LFNG: variants seen among roughly 807,000 people sequenced by gnomAD.
LFNG encodes beta-1,3-N-acetylglucosaminyltransferase lunatic fringe.
In LFNG, 15 loss-of-function variants were observed where a neutral mutation model predicts 32.7. That is an observed-to-expected ratio of 0.46 (90% CI 0.31 to 0.71). The LOEUF (loss-of-function observed/expected upper bound fraction) is 0.71. Among genes scored for constraint, LFNG ranks in the 30% least tolerant of loss-of-function variants. The pLI, the probability that LFNG is intolerant of heterozygous loss-of-function variation, is 0.06. For synonymous variants in LFNG, 274 were observed against 246.8 expected (o/e 1.11, Z -1.03); for missense variants, 520 against 545.7 (o/e 0.95, Z 0.47).
upstream of LFNG, chr7:2,518,666 G>T (rs185194974): frequency 1.3e-6 from 2 of 1,578,632 alleles, no homozygotes; most frequent in Non-Finnish European, 1.7e-6. Flanking sequence ...ACATAACTCC[G>T]AGGGGGGCAG....
upstream of LFNG, chr7:2,517,832 C>T (rs762169956): frequency 2.3e-5 from 28 of 1,222,106 alleles, no homozygotes; most frequent in Admixed American, 5.5e-5. Flanking sequence ...GAATATCAGG[C>T]GGGACTTTAA....
intron 1 of LFNG, 74 bp from the exon 2 acceptor site, chr7:2,524,621 C>G (rs1026834318): frequency 7.0e-7 from 1 of 1,428,020 alleles, no homozygotes; most frequent in Non-Finnish European, 9.7e-7. Context: ...CCAGGGCGCC[C>G]CGTCCGGCCC....
At position 2,526,335 on chromosome 7, in the gene LFNG, C is replaced by T. The variant is rs144930406; in HGVS notation, c.913C>T (p.Leu305Phe). Residue 305 changes from leucine to phenylalanine, a missense_variant, in exon 6 of 8, where the codon CTC becomes TTC. Coordinates refer to ENST00000222725, the MANE Select transcript of LFNG (RefSeq NM_001040167.2). The surrounding 1 kb of genome is among the most constrained non-coding windows in gnomAD (Gnocchi z 6.9). Reference protein sequence around the residue: ...YIVEALLGVPLIRSGLFHSHL... With the variant: ...YIVEALLGVPFIRSGLFHSHL... Reference sequence around the variant, plus strand: ...CGTGGAGGCCCTGCTGGGTGTGCCCCTCATCCGCAGCGGCCTCTTCCACTC... The same window carrying T: ...CGTGGAGGCCCTGCTGGGTGTGCCCTTCATCCGCAGCGGCCTCTTCCACTC... 15 of 1,612,508 alleles carry T rather than the reference C, an allele frequency of 9.3e-6. No individual in the cohort carries two copies. The highest frequency in any genetic ancestry group is 5.3e-5 in the African/African-American group (4 of 74,932).
chr7:2,519,443 C>T (rs1583271166), upstream of LFNG, among the ~76,000 whole-genome samples: 2 of 152,094 alleles, frequency 1.3e-5, no homozygotes, highest in African/African-American at 2.4e-5. Context: ...CCTCCCGTGC[C>T]GGGACGCCCG....
Position 2,526,538 on chromosome 7 carries a change from AGGG to A in LFNG, c.987+134_987+136del. ...GCCAGGCAGCACTCCACTGTCAGCC[AGGG>A]GGGGTCACTCCTGCCATGAGCTCAA... On this transcript the variant is annotated intron_variant, in intron 6 of 7. Transcript: ENST00000222725. This position sits in a 1 kb window ranked among gnomAD's most constrained non-coding sequence, Gnocchi z 6.9. The A allele has an allele frequency of 2.0e-6, 2 of 1,022,070 alleles. No individual in the cohort carries two copies. The highest frequency in any genetic ancestry group is 2.9e-6 in the Non-Finnish European group (2 of 687,378). The allele number at this position is 1,022,070 out of a possible 1,614,324, so 63.3% of individuals were successfully genotyped here.
At position 2,520,708 on chromosome 7, in the gene LFNG, AG is replaced by A. The variant is rs2128375372; in HGVS notation, c.432+416del. Among the ~76,000 whole-genome samples, 1 of 152,364 alleles carries A rather than the reference AG, an allele frequency of 6.6e-6. No individual in the cohort carries two copies. Among genetic ancestry groups the A allele is most frequent in the African/African-American group, 2.4e-5 (1 of 41,594 alleles). ...TCCTGGGGAGAAAGGCTCTTCCTTT[AG>A]AGAAGTGAGGGGTTCTGACCTCTGG... On this transcript the variant is annotated intron_variant, in intron 1 of 7. Coordinates refer to ENST00000222725, the MANE Select transcript of LFNG (RefSeq NM_001040167.2). This position sits in a 1 kb window ranked among gnomAD's most constrained non-coding sequence, Gnocchi z 5.0.
chr7:2,525,858 G>T, intron 5 of LFNG, 88 bp downstream of exon 5: 1 of 1,162,328 alleles, frequency 8.6e-7, no homozygotes, highest in South Asian at 1.3e-5. Context: ...CAGCCATGGG[G>T]TGTCCCCAGC....
upstream of LFNG, chr7:2,513,367 T>C (rs562453836): frequency 6.4e-7 from 1 of 1,551,828 alleles, no homozygotes; most frequent in Non-Finnish European, 8.7e-7. Flanking sequence ...CTCCCCTTCT[T>C]CTGCTTCCAG....
chr7:2,519,182 G>A (rs562981090), upstream of LFNG, among the ~76,000 whole-genome samples: 4 of 152,246 alleles, frequency 2.6e-5, no homozygotes, highest in Non-Finnish European at 5.9e-5. Flanking sequence ...GTGCTTTCTC[G>A]TTAGAACCTC....
rs199903011 is a variant in LFNG, at chr7:2,522,151, C to T, written c.432+1858C>T. ...TCAGGGCTGTGCGGGGGGAAAACCC[C>T]GAGAGGCTGTGTGAGGCAACAGTGG... On this transcript the variant is annotated intron_variant, in intron 1 of 7. Coordinates refer to ENST00000222725, the MANE Select transcript of LFNG (RefSeq NM_001040167.2). Among the ~76,000 whole-genome samples the T allele has an allele frequency of 1.4e-4, 21 of 152,262 alleles. No homozygotes were observed. The East Asian group carries it at 2.9e-3, about 21-fold the overall frequency.
rs1293120845 is a variant in LFNG, at chr7:2,527,248, G to A, written c.*36G>A. ...TGAGACCCAATCCCTGGGCGCCCCT[G>A]GTATCCAAAGGGCCCAGGGACCCTG... On this transcript the variant is annotated 3_prime_UTR_variant, in exon 8 of 8. Coordinates refer to ENST00000222725, the MANE Select transcript of LFNG (RefSeq NM_001040167.2). This position sits in a 1 kb window ranked among gnomAD's most constrained non-coding sequence, Gnocchi z 4.4. 3.1e-6 allele frequency: 5 copies of A among 1,607,744 alleles called. No individual in the cohort carries two copies. The highest frequency in any genetic ancestry group is 4.2e-6 in the Non-Finnish European group (5 of 1,179,076).
chr7:2,517,296 G>C (rs1779651396), upstream of LFNG, among the ~76,000 whole-genome samples: 1 of 152,144 alleles, frequency 6.6e-6, no homozygotes, highest in Non-Finnish European at 1.5e-5. Context: ...CAAAGCCTGC[G>C]GCCCCCACAA....
chr7:2,525,637 G>A (rs1369722229), intron 4 of LFNG, 48 bp from the exon 5 acceptor site: 1 of 1,612,120 alleles, frequency 6.2e-7, no homozygotes, highest in South Asian at 1.1e-5. Context: ...GTGGGACCGT[G>A]AGGGGCAGCA....
At position 2,525,476 on chromosome 7, in the gene LFNG, C is replaced by T; in HGVS notation, c.644C>T (p.Ala215Val). 1 of 1,612,524 alleles carries T rather than the reference C, an allele frequency of 6.2e-7. No individual in the cohort carries two copies. The highest frequency in any genetic ancestry group is 8.5e-7 in the Non-Finnish European group (1 of 1,179,878). ...CTGCGGGCCCTGCTGCGGCTGCTGGCCAGCTACCCGCACACGCGGGACGTC... is the reference window on the plus strand; with the variant it reads ...CTGCGGGCCCTGCTGCGGCTGCTGGTCAGCTACCCGCACACGCGGGACGTC... Reference protein sequence around the residue: ...VNLRALLRLLASYPHTRDVYV... With the variant: ...VNLRALLRLLVSYPHTRDVYV... Residue 215 changes from alanine to valine, a missense_variant, in exon 4 of 8, where the codon GCC becomes GTC. This residue lies in a region of LFNG where 360 missense variants were observed against 354.7 expected (regional missense o/e 1.01). Transcript: ENST00000222725.
downstream of LFNG, chr7:2,528,522 T>C: frequency 1.6e-6 from 1 of 644,700 alleles, no homozygotes; most frequent in Non-Finnish European, 2.0e-6. Flanking sequence ...AGGCTTGGCC[T>C]TGGGTGCACC....
chr7:2,521,911 A>T (rs2128375837), intron 1 of LFNG, among the ~76,000 whole-genome samples: 1 of 151,934 alleles, frequency 6.6e-6, no homozygotes, highest in Admixed American at 6.5e-5. Flanking sequence ...GGGGGCCATC[A>T]CTCCCTTGAG....
rs897490205 is a variant in LFNG, at chr7:2,526,747, G to A, written c.988-89G>A. The stretch of plus-strand genomic sequence containing the variant: ...GTCCAAGGGAGGCCAGGGCAGGGCC[G>A]TTGCCTCACTCAGGGCTGTGTGGCC... On this transcript the variant is annotated intron_variant, in intron 6 of 7. Coordinates refer to ENST00000222725, the MANE Select transcript of LFNG (RefSeq NM_001040167.2). The surrounding 1 kb of genome is among the most constrained non-coding windows in gnomAD (Gnocchi z 6.9). 24 of 1,232,184 alleles carry A rather than the reference G, an allele frequency of 1.9e-5. No homozygotes were observed. Among genetic ancestry groups the A allele is most frequent in the Admixed American group, 5.3e-5 (3 of 56,832 alleles). The allele number at this position is 1,232,184 out of a possible 1,614,324, so 76.3% of individuals were successfully genotyped here.
chr7:2,518,927 A>C, upstream of LFNG, among the ~76,000 whole-genome samples: 1 of 151,818 alleles, frequency 6.6e-6, no homozygotes, highest in East Asian at 2.0e-4. Context: ...GCCCGTGGGA[A>C]GGGCCGGGGA....
chr7:2,528,763 C>G (rs533881870), downstream of LFNG: 4 of 643,984 alleles, frequency 6.2e-6, no homozygotes, highest in Non-Finnish European at 1.1e-5. Context: ...ACTGGGGAGC[C>G]CAGCCCCTGC....
Sources: allele counts gnomAD v4.1 joint callset (sites outside exome capture counted in the v4.1 genomes callset), GRCh38; gene constraint gnomAD v4.1.1; regional missense constraint gnomAD v4.1.1; non-coding constraint Gnocchi (gnomAD v3.1); transcripts MANE v1.5; gene names NCBI Gene and HGNC (gene_info 2026-07-23, HGNC 2026-07-21).